Variants in GRIA1 observed in about 807,000 individuals in gnomAD.
GRIA1 encodes glutamate ionotropic receptor AMPA type subunit 1, also known as glutamate receptor 1.
A neutral mutation model predicts 99.2 loss-of-function variants in GRIA1; 31 were observed. That is an observed-to-expected ratio of 0.31 (90% confidence interval 0.23 to 0.42). GRIA1 has a LOEUF of 0.42. Among genes scored for constraint, GRIA1 ranks in the 10% least tolerant of loss-of-function variants. The pLI, the probability that GRIA1 is intolerant of heterozygous loss-of-function variation, is 1.00. For missense variants in GRIA1, 782 were observed against 1,157.5 expected (o/e 0.68, Z 4.71); for synonymous variants, 438 against 432.4 (o/e 1.01, Z -0.16).
In GRIA1 at chr5:153,802,482, C is replaced by A; in HGVS notation, c.2512C>A (p.Arg838=). Residue 838 remains arginine (R), a synonymous_variant, in exon 15 of 16, where the codon CGG becomes AGG. Coordinates refer to ENST00000285900, the MANE Select transcript of GRIA1 (RefSeq NM_000827.4). ...CTACAAATCCCGTAGTGAATCCAAG[C>A]GGATGAAGGTGGCATCGTCTTCCCG... The part of the protein sequence containing the change: ...FCYKSRSESK[R]MKGFCLIPQQ... 1.2e-6 allele frequency: 2 copies of A among 1,613,868 alleles called. No homozygotes were observed. The highest frequency in any genetic ancestry group is 8.5e-7 in the Non-Finnish European group (1 of 1,179,912).
rs751940097 is a variant in GRIA1, at chr5:153,493,986, G to C, written c.141G>C (p.Ser47=). 2 of 1,613,906 alleles carry C rather than the reference G, an allele frequency of 1.2e-6. No homozygotes were observed. The highest frequency in any genetic ancestry group is 2.2e-5 in the South Asian group (2 of 91,076). Residue 47 remains serine, a synonymous_variant, in exon 2 of 16, where the codon TCG becomes TCC. Coordinates refer to ENST00000285900, the MANE Select transcript of GRIA1 (RefSeq NM_000827.4). ...ATGCTGCTTTTAGATTTGCTTTGTC[G>C]CAACTCACAGAGCCCCCGAAGCTGC... is the stretch of plus-strand genomic sequence containing the variant. The part of the protein sequence containing the change: ...QEHAAFRFAL[S]QLTEPPKLLP...
intron 2 of GRIA1, among the ~76,000 whole-genome samples, chr5:153,530,059 A>G (rs1189287319): frequency 6.6e-6 from 1 of 152,124 alleles, no homozygotes; most frequent in East Asian, 1.9e-4. Context: ...AACAGCAACA[A>G]CTCTAACTGT....
In GRIA1 at chr5:153,756,666, A is replaced by C. The variant is rs532501739; in HGVS notation, c.1824-7768A>C. ...CCGCCTTGACTCTTCTCTAGGTCCA[A>C]CCAAGCTGGAGTACCATCCCAACCT... On this transcript the variant is annotated intron_variant, in intron 11 of 15. Coordinates refer to ENST00000285900, the MANE Select transcript of GRIA1 (RefSeq NM_000827.4). 3.9e-5 allele frequency among the ~76,000 whole-genome samples: 6 copies of C among 152,266 alleles called. No homozygotes were observed. In the South Asian group the frequency reaches 1.2e-3, roughly 32 times the overall value.
intron 1 of GRIA1, chr5:153,492,163 G>C: frequency 6.7e-7 from 1 of 1,497,772 alleles, no homozygotes; most frequent in South Asian, 1.3e-5. Context: ...GTGTTTGAGG[G>C]GGGATGTGGT....
chr5:153,684,580 T>C (rs1368522151), intron 7 of GRIA1, among the ~76,000 whole-genome samples: 6 of 152,220 alleles, frequency 3.9e-5, no homozygotes, highest in African/African-American at 1.4e-4. Context: ...GTCTACCATC[T>C]GCACATCTAT....
intron 2 of GRIA1, among the ~76,000 whole-genome samples, chr5:153,590,385 T>G (rs997318596): frequency 1.3e-5 from 2 of 152,164 alleles, no homozygotes; most frequent in African/African-American, 4.8e-5. Context: ...AGTAAAATAC[T>G]GAAGTTCTAA....
rs76347734 is a variant in GRIA1 at position 153,741,961 on chromosome 5, A to T, written c.1824-22473A>T. Among the ~76,000 whole-genome samples, 843 of 151,702 alleles carry T rather than the reference A, an allele frequency of 5.6e-3. 15 individuals carry two copies. The highest frequency in any genetic ancestry group is 0.019 in the African/African-American group (806 of 41,386). On this transcript the variant is annotated intron_variant, in intron 11 of 15. Transcript: ENST00000285900. ...AAAAAAAAAAAAAAAGAAAAAGAGG[A>T]AATATGCCTAGTGTGTTAAGCCAAG... is the stretch of plus-strand genomic sequence containing the variant.
At chr5:153,634,173 C>T (rs181688074) in intron 2 of GRIA1, among the ~76,000 whole-genome samples, 1 of 151,938 alleles carries the variant, frequency 6.6e-6, no homozygotes, top group East Asian at 1.9e-4. Context: ...AAAAAATTAG[C>T]CAGTCGTGAT....
At position 153,571,652 on chromosome 5, in the gene GRIA1, C is replaced by T. The variant is rs1016793062; in HGVS notation, c.221-75276C>T. 1.1e-4 allele frequency among the ~76,000 whole-genome samples: 17 copies of T among 152,150 alleles called. 1 individual carries two copies. Among genetic ancestry groups the T allele is most frequent in the Admixed American group, 4.6e-4 (7 of 15,280 alleles). On this transcript the variant is annotated intron_variant, in intron 2 of 15. Transcript: ENST00000285900. ...CTTTGGACTAAGAAATACATGAAGC[C>T]GTAACTTCATATTTATCCCTAAGAT...
At chr5:153,492,387 CGTAGCCTTCT>C in intron 1 of GRIA1, 1 of 1,333,888 alleles carries the variant, frequency 7.5e-7, no homozygotes, top group South Asian at 1.8e-5. Flanking sequence ...TAGCCCAGCC[CGTAGCCTTCT>C]ACTCCTCAAC....
intron 2 of GRIA1, among the ~76,000 whole-genome samples, chr5:153,505,013 G>A (rs934117188): frequency 4.6e-5 from 7 of 152,146 alleles, no homozygotes; most frequent in African/African-American, 7.2e-5. Flanking sequence ...TGGCAGGAAC[G>A]AAACCTTCCC....
intron 7 of GRIA1, among the ~76,000 whole-genome samples, chr5:153,681,089 A>G (rs913513180): frequency 2.0e-5 from 3 of 152,202 alleles, no homozygotes; most frequent in African/African-American, 7.2e-5. Context: ...GCCAGCATCT[A>G]TTTTTGGTGA....
intron 2 of GRIA1, among the ~76,000 whole-genome samples, chr5:153,501,476 G>T (rs1159021043): frequency 6.6e-6 from 1 of 152,106 alleles, no homozygotes; most frequent in East Asian, 1.9e-4. Context: ...AAGCTTCCTG[G>T]GCAGAGGCCT....
At chr5:153,549,218 C>T (rs374207354) in intron 2 of GRIA1, among the ~76,000 whole-genome samples, 4 of 152,246 alleles carry the variant, frequency 2.6e-5, no homozygotes, top group African/African-American at 9.6e-5. Flanking sequence ...TCCCTGTTCT[C>T]ATCATTGTTC....
chr5:153,524,811 T>C (rs1445537774), intron 2 of GRIA1, among the ~76,000 whole-genome samples: 1 of 152,174 alleles, frequency 6.6e-6, no homozygotes, highest in African/African-American at 2.4e-5. Flanking sequence ...AGTTTCCTAA[T>C]TGCAACTCCA....
intron 5 of GRIA1, among the ~76,000 whole-genome samples, chr5:153,672,334 C>A (rs924700789): frequency 1.8e-4 from 28 of 152,076 alleles, no homozygotes; most frequent in African/African-American, 6.3e-4. Flanking sequence ...GCAGTTGGTA[C>A]GTAAAGTAGA....
chr5:153,570,971 T>C (rs1230659887), intron 2 of GRIA1, among the ~76,000 whole-genome samples: 1 of 152,190 alleles, frequency 6.6e-6, no homozygotes, highest in Non-Finnish European at 1.5e-5. Flanking sequence ...AGTCCATTTG[T>C]ATCTGATTGA....
chr5:153,715,534 G>A (rs950493061), intron 11 of GRIA1, among the ~76,000 whole-genome samples: 2 of 151,912 alleles, frequency 1.3e-5, no homozygotes, highest in Admixed American at 6.6e-5. Context: ...TTCCACTTCT[G>A]GAAAACAGGA....
chr5:153,602,022 A>G (rs991071123), intron 2 of GRIA1, among the ~76,000 whole-genome samples: 8 of 152,176 alleles, frequency 5.3e-5, no homozygotes, highest in African/African-American at 1.9e-4. Context: ...ACTTATTTTG[A>G]AAAGGACACT....
Sources: gnomAD v4.1 joint callset for allele counts (sites outside exome capture counted in the v4.1 genomes callset) on GRCh38, gnomAD v4.1.1 for gene constraint, MANE v1.5 for transcripts, NCBI Gene and HGNC (gene_info 2026-07-23, HGNC 2026-07-21) for gene names.